The following GPC6 variants were observed in gnomAD, a reference collection of about 807,000 sequenced individuals.
GPC6 encodes glypican 6.
In GPC6, 14 loss-of-function variants were observed where a neutral mutation model predicts 55.2. The observed-to-expected ratio is 0.25, with a 90% CI of 0.17 to 0.40. GPC6 has a LOEUF of 0.40. Ranked by LOEUF, GPC6 falls within the 10% of genes least tolerant of loss-of-function variation. GPC6 has a pLI of 1.00. For missense variants in GPC6, 641 were observed against 708.5 expected, an observed-to-expected ratio of 0.90 and a Z score of 1.08; for synonymous variants, 278 against 259.6, an observed-to-expected ratio of 1.07 and a Z score of -0.68.
At chr13:93,436,009 G>T (rs138230612) in intron 1 of GPC6, among the ~76,000 whole-genome samples, 33 of 152,154 alleles carry the variant, frequency 2.2e-4, no homozygotes, top group African/African-American at 7.7e-4. Context: ...AGTCCTGGAA[G>T]ATCCTAGCCC....
chr13:94,173,807 C>T lies in GPC6; in HGVS notation c.878-112542C>T, dbSNP rs147102105. Among the ~76,000 whole-genome samples the T allele has an allele frequency of 1.1e-3, 165 of 152,278 alleles. 3 individuals carry two copies. In the East Asian group the frequency reaches 0.026, roughly 24 times the overall value. On this transcript the variant is annotated intron_variant, in intron 4 of 8. Coordinates refer to ENST00000377047, the MANE Select transcript of GPC6 (RefSeq NM_005708.5). Reference sequence around the variant, plus strand: ...CAGGCTGTTGATAAGCTGAGGGAAACTTAGAAAGCTCATGTACTTTCTGTT... The same window carrying T: ...CAGGCTGTTGATAAGCTGAGGGAAATTTAGAAAGCTCATGTACTTTCTGTT...
chr13:94,035,772 A>G (rs1594684283), intron 4 of GPC6, among the ~76,000 whole-genome samples: 1 of 152,168 alleles, frequency 6.6e-6, no homozygotes, highest in Non-Finnish European at 1.5e-5. Context: ...TTCTTTTCTG[A>G]CATAGTATTT....
intron 4 of GPC6, among the ~76,000 whole-genome samples, chr13:94,262,737 T>G (rs536192492): frequency 6.7e-6 from 1 of 149,062 alleles, no homozygotes; most frequent in East Asian, 2.0e-4. Context: ...ATGCTTAGAG[T>G]AAGGAAAGGC....
chr13:94,176,521 G>A (rs77666301), intron 4 of GPC6, among the ~76,000 whole-genome samples: 2,030 of 152,180 alleles, frequency 0.013, 49 homozygotes, highest in African/African-American at 0.045. Context: ...GGAGGGAAAC[G>A]AGTGACCTTG....
chr13:94,153,874 T>C (rs1261506697), intron 4 of GPC6, among the ~76,000 whole-genome samples: 3 of 152,174 alleles, frequency 2.0e-5, no homozygotes, highest in African/African-American at 7.2e-5. Context: ...CTAGCGTGTG[T>C]AGGTTCTACA....
intron 3 of GPC6, among the ~76,000 whole-genome samples, chr13:93,903,547 A>G (rs762868791): frequency 5.3e-5 from 8 of 152,176 alleles, no homozygotes; most frequent in Non-Finnish European, 7.4e-5. Context: ...CTCAGACTAT[A>G]TATTGTAGCA....
intron 6 of GPC6, among the ~76,000 whole-genome samples, chr13:94,318,565 C>T (rs11620502): frequency 0.37 from 55,914 of 151,564 alleles, 10,654 homozygotes; most frequent in African/African-American, 0.45. Context: ...AGAGGCAGGG[C>T]AGGATAGCAT....
At chr13:93,807,957 A>G (rs954942014) in intron 2 of GPC6, among the ~76,000 whole-genome samples, 1 of 152,204 alleles carries the variant, frequency 6.6e-6, no homozygotes, top group African/African-American at 2.4e-5. Flanking sequence ...TTAAGGAATT[A>G]TAATTTTGTT....
chr13:93,531,358 TG>T (rs1881859837), intron 1 of GPC6, among the ~76,000 whole-genome samples: 2 of 152,142 alleles, frequency 1.3e-5, no homozygotes, highest in African/African-American at 4.8e-5. Flanking sequence ...ACTGTGAGAC[TG>T]GCAAGTCTGA....
chr13:93,785,310 AAGAGT>A (rs1336057965), intron 2 of GPC6, among the ~76,000 whole-genome samples: 1 of 152,224 alleles, frequency 6.6e-6, no homozygotes, highest in African/African-American at 2.4e-5. Flanking sequence ...GGTAGAAAAG[AAGAGT>A]ATAGTCTTTC....
chr13:93,341,695 CTTTT>C (rs34604793), intron 1 of GPC6, among the ~76,000 whole-genome samples: 50 of 142,620 alleles, frequency 3.5e-4, no homozygotes, highest in African/African-American at 1.2e-3. Context: ...TACTCCGCTG[CTTTT>C]TTTTTTTTTC....
rs1292567928 is a variant in GPC6, at chr13:94,031,102, GTGCGTGCA to G, written c.877+3211_877+3218del. Among the ~76,000 whole-genome samples, 546 of 148,522 alleles carry G rather than the reference GTGCGTGCA, an allele frequency of 3.7e-3. 6 individuals carry two copies. Among genetic ancestry groups the G allele is most frequent in the African/African-American group, 0.013 (522 of 40,678 alleles). On this transcript the variant is annotated intron_variant, in intron 4 of 8. Coordinates refer to ENST00000377047, the MANE Select transcript of GPC6 (RefSeq NM_005708.5). ...TGTGCGTGTGTGTGTGCGTGTGTGT[GTGCGTGCA>G]TGTGTGTGTGTGTGTGTGTTCTTCG...
At chr13:93,504,545 G>T (rs1434521338) in intron 1 of GPC6, among the ~76,000 whole-genome samples, 16 of 147,584 alleles carry the variant, frequency 1.1e-4, no homozygotes, top group African/African-American at 3.5e-4. Flanking sequence ...TGAAACCTGG[G>T]TCTTATTCAT....
chr13:93,243,569 C>G (rs1201414982), intron 1 of GPC6, among the ~76,000 whole-genome samples: 1 of 152,138 alleles, frequency 6.6e-6, no homozygotes, highest in Non-Finnish European at 1.5e-5. Flanking sequence ...GGTGCGAGCA[C>G]CAGCTCTGAT....
Position 94,035,097 on chromosome 13 carries a change from G to A in GPC6, c.877+7203G>A, listed in dbSNP as rs371826350. On this transcript the variant is annotated intron_variant, in intron 4 of 8. Transcript: ENST00000377047. Reference sequence around the variant, plus strand: ...TTTGCCTTTGAATTTGGAATTTTGCGTTTTGATTTTAGTTTACTCTTCAAT... The same window carrying A: ...TTTGCCTTTGAATTTGGAATTTTGCATTTTGATTTTAGTTTACTCTTCAAT... Among the ~76,000 whole-genome samples the A allele has an allele frequency of 2.9e-3, 442 of 151,822 alleles. 4 individuals are homozygous for A. Among genetic ancestry groups the A allele is most frequent in the African/African-American group, 9.5e-3 (395 of 41,462 alleles).
chr13:93,384,381 A>G (rs1594133391), intron 1 of GPC6, among the ~76,000 whole-genome samples: 1 of 142,224 alleles, frequency 7.0e-6, no homozygotes, highest in South Asian at 2.2e-4. Context: ...CAACCTGAAA[A>G]CCGTTTTTTT....
chr13:94,113,012 T>A (rs1485964354), intron 4 of GPC6, among the ~76,000 whole-genome samples: 1 of 152,284 alleles, frequency 6.6e-6, no homozygotes, highest in Admixed American at 6.5e-5. Flanking sequence ...TAATTCTCTT[T>A]GGCAACTCTT....
rs529409125 is a variant in GPC6, at chr13:94,250,503, A to G, written c.878-35846A>G. Among the ~76,000 whole-genome samples, 5 of 152,316 alleles carry G rather than the reference A, an allele frequency of 3.3e-5. No homozygotes were observed. The South Asian group carries it at 1.0e-3, about 32-fold the overall frequency. Reference sequence around the variant, plus strand: ...TTATGCTCACATGCATGTCTTTAGCAATTATCTTAACTCTATAATTGTGAT... The same window carrying G: ...TTATGCTCACATGCATGTCTTTAGCGATTATCTTAACTCTATAATTGTGAT... On this transcript the variant is annotated intron_variant, in intron 4 of 8. Transcript: ENST00000377047.
chr13:93,554,696 TAA>T (rs962863740), intron 2 of GPC6, among the ~76,000 whole-genome samples: 1 of 152,198 alleles, frequency 6.6e-6, no homozygotes, highest in Non-Finnish European at 1.5e-5. Flanking sequence ...TTAGCAAATG[TAA>T]AAAAAGAGGT....
Sources: allele counts gnomAD v4.1 joint callset (sites outside exome capture counted in the v4.1 genomes callset), GRCh38; gene constraint gnomAD v4.1.1; transcripts MANE v1.5; gene names NCBI Gene and HGNC (gene_info 2026-07-23, HGNC 2026-07-21).